The following TASP1 variants were observed in gnomAD, a reference collection of about 807,000 sequenced individuals.
TASP1 encodes the protein threonine aspartase 1.
Under a neutral mutation model 56.6 loss-of-function variants are expected in TASP1, and 16 were observed. The ratio of observed to expected loss-of-function variants is 0.28; its 90% confidence interval spans 0.19 to 0.43. The LOEUF (loss-of-function observed/expected upper bound fraction) is 0.43. Ranked by LOEUF, TASP1 falls within the 20% of genes least tolerant of loss-of-function variation. TASP1 has a pLI of 1.00. For synonymous variants in TASP1, 179 were observed against 184.2 expected, an observed-to-expected ratio of 0.97 and a Z score of 0.23; for missense variants, 393 against 511.6, an observed-to-expected ratio of 0.77 and a Z score of 2.24.
chr20:13,348,652 C>G, the TASP1 span, among the ~76,000 whole-genome samples: 2 of 152,260 alleles, frequency 1.3e-5, no homozygotes, highest in Middle Eastern at 3.4e-3. Context: ...CAGGGAGCAT[C>G]TAGTTCTGGC....
rs565463558 is a variant in TASP1 at position 13,597,658 on chromosome 20, C to A, written c.283-10288G>T. ...GCCCTCTCTCAGCACTCCTATTCAA[C>A]ATAGTGTTGGAAGTTCTGGCCAGAG... On this transcript the variant is annotated intron_variant, in intron 4 of 13. Transcript: ENST00000337743. 9.2e-5 allele frequency among the ~76,000 whole-genome samples: 14 copies of A among 152,282 alleles called. 1 individual carries two copies. In the South Asian group the frequency reaches 2.3e-3, roughly 25 times the overall value.
At chr20:13,572,927 G>T (rs1019456485) in intron 6 of TASP1, among the ~76,000 whole-genome samples, 1 of 151,964 alleles carries the variant, frequency 6.6e-6, no homozygotes, top group African/African-American at 2.4e-5. Flanking sequence ...AGGATCTTCA[G>T]GAACCCCCGT....
At chr20:13,599,721 A>G (rs2047884894) in intron 4 of TASP1, among the ~76,000 whole-genome samples, 1 of 152,002 alleles carries the variant, frequency 6.6e-6, no homozygotes, top group East Asian at 1.9e-4. Context: ...GAGAAAAAGG[A>G]AAAAACCATA....
At chr20:13,501,802 A>C (rs553489646) in intron 10 of TASP1, among the ~76,000 whole-genome samples, 1 of 152,126 alleles carries the variant, frequency 6.6e-6, no homozygotes, top group African/African-American at 2.4e-5. Flanking sequence ...CTATACAGAC[A>C]AAATAGGCTA....
chr20:13,492,945 G>A (rs771702592), intron 10 of TASP1, among the ~76,000 whole-genome samples: 62 of 152,068 alleles, frequency 4.1e-4, no homozygotes, highest in African/African-American at 3.4e-4. Context: ...TCTAGAGCAC[G>A]GTGCTAGACA....
Position 13,468,865 on chromosome 20 carries a change from G to GTTT in TASP1, c.985+14359_985+14361dup, listed in dbSNP as rs59010427. Among the ~76,000 whole-genome samples the GTTT allele has an allele frequency of 6.5e-3, 921 of 142,658 alleles. 6 individuals are homozygous for GTTT. The highest frequency in any genetic ancestry group is 8.6e-3 in the Non-Finnish European group (564 of 65,434). The allele number at this position is 142,658 out of a possible 152,430, so 93.6% of individuals were successfully genotyped here. A position where few individuals can be genotyped will look rare whatever the true frequency, so the allele number is the denominator to read the frequency against. On this transcript the variant is annotated intron_variant, in intron 11 of 13. Transcript: ENST00000337743. The stretch of plus-strand genomic sequence containing the variant: ...ATTTTTGGTTTTTTTATGTGTGTGT[G>GTTT]TTTTTTTTTTTTGCATGAGATGAAA...
intron 10 of TASP1, among the ~76,000 whole-genome samples, chr20:13,488,633 C>A (rs76144297): frequency 6.6e-6 from 1 of 152,108 alleles, no homozygotes; most frequent in Non-Finnish European, 1.5e-5. Flanking sequence ...ATGATTCTCC[C>A]GATATCTTGG....
chr20:13,249,027 C>T, the TASP1 span, among the ~76,000 whole-genome samples: 2 of 152,198 alleles, frequency 1.3e-5, no homozygotes, highest in Middle Eastern at 3.2e-3. Flanking sequence ...GGGCCAAGTT[C>T]AGGCCCCACG....
chr20:13,590,665 A>C (rs2147279466), intron 4 of TASP1, among the ~76,000 whole-genome samples: 1 of 152,264 alleles, frequency 6.6e-6, no homozygotes, highest in Admixed American at 6.5e-5. Flanking sequence ...CAGGCATTCG[A>C]GACCAGCCTG....
At chr20:13,126,623 T>C in the TASP1 span, 1 of 1,614,066 alleles carries the variant, frequency 6.2e-7, no homozygotes, top group Non-Finnish European at 8.5e-7. Flanking sequence ...TTCACTCGCA[T>C]AGTGCTGTTT....
At chr20:13,148,169 G>A in the TASP1 span, among the ~76,000 whole-genome samples, 2 of 152,180 alleles carry the variant, frequency 1.3e-5, no homozygotes, top group Non-Finnish European at 2.9e-5. Context: ...TTTTGGAAAT[G>A]CCACTGATCA....
intron 13 of TASP1, among the ~76,000 whole-genome samples, chr20:13,401,987 C>A (rs375805466): frequency 4.6e-5 from 7 of 152,274 alleles, no homozygotes; most frequent in African/African-American, 1.7e-4. Context: ...CATTACTTTT[C>A]ATGTTGCTAA....
chr20:13,181,881 T>C, the TASP1 span, among the ~76,000 whole-genome samples: 4 of 152,202 alleles, frequency 2.6e-5, no homozygotes, highest in African/African-American at 7.2e-5. Flanking sequence ...AGGCATAGTG[T>C]ATGTGCTCAA....
chr20:13,394,472 C>T (rs755297713), intron 13 of TASP1, among the ~76,000 whole-genome samples: 4 of 151,864 alleles, frequency 2.6e-5, no homozygotes, highest in Non-Finnish European at 5.9e-5. Context: ...ATTAGCCGGA[C>T]GTGGTGGCAG....
chr20:13,627,734 A>T (rs971235176), intron 2 of TASP1, among the ~76,000 whole-genome samples: 1 of 83,556 alleles, frequency 1.2e-5, no homozygotes, highest in Admixed American at 1.1e-4. Flanking sequence ...ACTTAGTCTT[A>T]AAAAAAAAAA....
chr20:13,278,704 T>C, the TASP1 span, among the ~76,000 whole-genome samples: 1 of 152,220 alleles, frequency 6.6e-6, no homozygotes, highest in Non-Finnish European at 1.5e-5. Context: ...GACCACGGGA[T>C]TGCTGTGGGT....
intron 8 of TASP1, among the ~76,000 whole-genome samples, chr20:13,541,391 TA>T (rs1279910554): frequency 6.6e-6 from 1 of 152,114 alleles, no homozygotes; most frequent in East Asian, 1.9e-4. Context: ...TATCAATATA[TA>T]AATAAATCCA....
the TASP1 span, among the ~76,000 whole-genome samples, chr20:13,127,141 C>T: frequency 1.3e-5 from 2 of 152,164 alleles, no homozygotes; most frequent in African/African-American, 4.8e-5. Context: ...AGTGGAAGGC[C>T]ACCACTGGCC....
intron 10 of TASP1, among the ~76,000 whole-genome samples, chr20:13,523,694 C>G (rs977191170): frequency 6.6e-6 from 1 of 152,124 alleles, no homozygotes; most frequent in Non-Finnish European, 1.5e-5. Flanking sequence ...TGACCACAAC[C>G]CTCTCCGTCC....
Sources: allele counts gnomAD v4.1 joint callset (sites outside exome capture counted in the v4.1 genomes callset), GRCh38; gene constraint gnomAD v4.1.1; transcripts MANE v1.5; gene names NCBI Gene and HGNC (gene_info 2026-07-23, HGNC 2026-07-21).